AGAP1: variants seen among roughly 807,000 people sequenced by gnomAD.
AGAP1 encodes the protein arf-GAP with GTPase, ANK repeat and PH domain-containing protein 1.
In AGAP1, 29 loss-of-function variants were observed where a neutral mutation model predicts 105.3. The ratio of observed to expected loss-of-function variants is 0.28; its 90% CI spans 0.21 to 0.38. The LOEUF is 0.38. AGAP1 is among the 10% of genes least tolerant of loss of function. AGAP1 has a pLI of 1.00. For missense variants in AGAP1, 998 were observed against 1,165.1 expected (o/e 0.86, Z 2.09); for synonymous variants, 509 against 485.9 (o/e 1.05, Z -0.63).
At chr2:235,523,087 C>G (rs973926571) in intron 1 of AGAP1, among the ~76,000 whole-genome samples, 1 of 152,166 alleles carries the variant, frequency 6.6e-6, no homozygotes, top group Non-Finnish European at 1.5e-5. Context: ...GGCTCTCTTC[C>G]TGGCTTACAC....
At chr2:235,580,614 T>C (rs1203691260) in intron 1 of AGAP1, among the ~76,000 whole-genome samples, 2 of 152,216 alleles carry the variant, frequency 1.3e-5, no homozygotes, top group Non-Finnish European at 2.9e-5. Context: ...GGCATTTTCA[T>C]GTACAGGAGT....
At chr2:236,010,714 T>A (rs1436215098) in intron 13 of AGAP1, among the ~76,000 whole-genome samples, 1 of 152,232 alleles carries the variant, frequency 6.6e-6, no homozygotes, top group Non-Finnish European at 1.5e-5. Context: ...CCTTCGGTGT[T>A]CCTCAACAGG....
rs1369718894 is a variant in AGAP1 at position 235,799,807 on chromosome 2, G to A, written c.957+285G>A. ...TTATCCTGTGGCTCCAGCTAAAGAT[G>A]TGTCACAGTGGATACAAGGAGATGA... is the stretch of plus-strand genomic sequence containing the variant. On this transcript the variant is annotated intron_variant, in intron 8 of 17. Transcript: ENST00000304032. The surrounding 1 kb of genome is among the most constrained non-coding windows in gnomAD (Gnocchi z 5.0). 6.6e-6 allele frequency among the ~76,000 whole-genome samples: 1 copy of A among 152,172 alleles called. No homozygotes were observed. Among genetic ancestry groups the A allele is most frequent in the Non-Finnish European group, 1.5e-5 (1 of 68,040 alleles).
Position 236,051,802 on chromosome 2 carries a change from C to T in AGAP1, c.2114+2521C>T, listed in dbSNP as rs74387644. On this transcript the variant is annotated intron_variant, in intron 16 of 17. Transcript: ENST00000304032. The surrounding 1 kb of genome is among the most constrained non-coding windows in gnomAD (Gnocchi z 5.9). ...AGCCAGCAAGGTCTGTGTCCCTTCCCGCTGGAAGGCCAGGGTCCTGGTGGA... is the reference window on the plus strand; with the variant it reads ...AGCCAGCAAGGTCTGTGTCCCTTCCTGCTGGAAGGCCAGGGTCCTGGTGGA... Among the ~76,000 whole-genome samples, 8 of 152,148 alleles carry T rather than the reference C, an allele frequency of 5.3e-5. No individual in the cohort carries two copies. Among genetic ancestry groups the T allele is most frequent in the Middle Eastern group, 3.2e-3 (1 of 316 alleles).
At chr2:236,108,047 C>T (rs1411575577) in intron 16 of AGAP1, among the ~76,000 whole-genome samples, 4 of 152,348 alleles carry the variant, frequency 2.6e-5, no homozygotes, top group Non-Finnish European at 5.9e-5. Context: ...TCCCCGCATG[C>T]GGGATTTACA....
intron 1 of AGAP1, among the ~76,000 whole-genome samples, chr2:235,561,527 G>A (rs2149136288): frequency 6.6e-6 from 1 of 152,282 alleles, no homozygotes. Flanking sequence ...GAAGGGGAGG[G>A]CTGAAGAGTT....
At position 236,001,189 on chromosome 2, in the gene AGAP1, G is replaced by A. The variant is rs1261628182; in HGVS notation, c.1645+32566G>A. On this transcript the variant is annotated intron_variant, in intron 13 of 17. Transcript: ENST00000304032. This position sits in a 1 kb window ranked among gnomAD's most constrained non-coding sequence, Gnocchi z 4.7. ...GCGGCTGTGGGGCAGAGAATGCTGAGATAAACGCCACCATCAGAAACCAAG... is the reference window on the plus strand; with the variant it reads ...GCGGCTGTGGGGCAGAGAATGCTGAAATAAACGCCACCATCAGAAACCAAG... Among the ~76,000 whole-genome samples the A allele has an allele frequency of 6.6e-6, 1 of 152,204 alleles. No homozygotes were observed. Among genetic ancestry groups the A allele is most frequent in the Non-Finnish European group, 1.5e-5 (1 of 68,038 alleles).
intron 9 of AGAP1, among the ~76,000 whole-genome samples, chr2:235,823,713 C>G (rs888397557): frequency 1.3e-5 from 2 of 152,174 alleles, no homozygotes; most frequent in Non-Finnish European, 2.9e-5. Context: ...TGTATTGCGA[C>G]TGGTCAGCTT....
intron 15 of AGAP1, among the ~76,000 whole-genome samples, chr2:236,041,696 AGGTGCTGGTACCAGGCTG>A: frequency 6.6e-6 from 1 of 152,174 alleles, no homozygotes; most frequent in Non-Finnish European, 1.5e-5. Context: ...ACAAGGTAAG[AGGTGCTGGTACCAGGCTG>A]GGTGCTGCCC....
At position 235,994,486 on chromosome 2, in the gene AGAP1, G is replaced by A. The variant is rs145943671; in HGVS notation, c.1645+25863G>A. 1.6e-3 allele frequency among the ~76,000 whole-genome samples: 248 copies of A among 152,272 alleles called. 1 individual carries two copies. Among genetic ancestry groups the A allele is most frequent in the African/African-American group, 5.6e-3 (232 of 41,554 alleles). On this transcript the variant is annotated intron_variant, in intron 13 of 17. Transcript: ENST00000304032. This position sits in a 1 kb window ranked among gnomAD's most constrained non-coding sequence, Gnocchi z 4.4. ...TTGATAGGACAGCGTTAAGGGGGTC[G>A]TTTCTTTCTGGTTTGAAAGTTGAGA...
At chr2:235,501,143 G>A (rs1244370391) in intron 1 of AGAP1, among the ~76,000 whole-genome samples, 1 of 152,154 alleles carries the variant, frequency 6.6e-6, no homozygotes, top group Non-Finnish European at 1.5e-5. Context: ...CACCTGCCAT[G>A]TGGGGCCATT....
intron 9 of AGAP1, 130 bp downstream of exon 9, chr2:235,807,461 T>A: frequency 1.4e-6 from 1 of 707,356 alleles, no homozygotes; most frequent in Non-Finnish European, 2.2e-6. Flanking sequence ...GTCTCTCACT[T>A]GACATCAATT....
chr2:236,052,242 G>A (rs1023565496), intron 16 of AGAP1, among the ~76,000 whole-genome samples: 4 of 152,182 alleles, frequency 2.6e-5, no homozygotes, highest in African/African-American at 9.7e-5. Flanking sequence ...AGGAGCTCTG[G>A]TCCATTCCAT....
chr2:235,844,167 T>A (rs1961195985), intron 9 of AGAP1, among the ~76,000 whole-genome samples: 1 of 152,232 alleles, frequency 6.6e-6, no homozygotes, highest in Admixed American at 6.5e-5. Context: ...AGGCCTCCCC[T>A]GCCGGTCTGG....
At position 236,009,954 on chromosome 2, in the gene AGAP1, G is replaced by A. The variant is rs1157737569; in HGVS notation, c.1646-26607G>A. On this transcript the variant is annotated intron_variant, in intron 13 of 17. Transcript: ENST00000304032. The surrounding 1 kb of genome is among the most constrained non-coding windows in gnomAD (Gnocchi z 4.2). ...CCTGTGGTTTCCTGGTACAATGATG[G>A]AGGAAGAGTTTGGAATAAAACCCTG... 6.6e-6 allele frequency among the ~76,000 whole-genome samples: 1 copy of A among 152,088 alleles called. No homozygotes were observed. The highest frequency in any genetic ancestry group is 1.5e-5 in the Non-Finnish European group (1 of 68,022).
Position 235,993,145 on chromosome 2 carries a change from G to C in AGAP1, c.1645+24522G>C, listed in dbSNP as rs953517097. On this transcript the variant is annotated intron_variant, in intron 13 of 17. Coordinates refer to ENST00000304032, the MANE Select transcript of AGAP1 (RefSeq NM_001037131.3). This position sits in a 1 kb window ranked among gnomAD's most constrained non-coding sequence, Gnocchi z 5.0. The stretch of plus-strand genomic sequence containing the variant: ...AGTATTGATAGCGGCGTATATATAG[G>C]ATTCCCACAATTTGCAGTTGTACAG... 3.3e-5 allele frequency among the ~76,000 whole-genome samples: 5 copies of C among 152,168 alleles called. No individual in the cohort carries two copies. Among genetic ancestry groups the C allele is most frequent in the African/African-American group, 4.8e-5 (2 of 41,436 alleles).
intron 1 of AGAP1, among the ~76,000 whole-genome samples, chr2:235,656,410 C>T (rs1947772059): frequency 6.6e-6 from 1 of 152,162 alleles, no homozygotes; most frequent in Admixed American, 6.5e-5. Flanking sequence ...TTGCCTTCTA[C>T]TTCTAAACTT....
chr2:235,922,164 G>C (rs1297949237), intron 11 of AGAP1, among the ~76,000 whole-genome samples: 1 of 152,202 alleles, frequency 6.6e-6, no homozygotes, highest in African/African-American at 2.4e-5. Context: ...TACAGCATTT[G>C]AAGCTGCCTG....
chr2:235,523,893 G>A (rs1055429492), intron 1 of AGAP1, among the ~76,000 whole-genome samples: 6 of 151,936 alleles, frequency 3.9e-5, no homozygotes, highest in African/African-American at 1.5e-4. Flanking sequence ...ACCTGACCAG[G>A]GTATGGGATT....
Sources: allele counts gnomAD v4.1 joint callset (sites outside exome capture counted in the v4.1 genomes callset), GRCh38; gene constraint gnomAD v4.1.1; non-coding constraint Gnocchi (gnomAD v3.1); transcripts MANE v1.5; gene names NCBI Gene and HGNC (gene_info 2026-07-23, HGNC 2026-07-21).